The following OR2L13 variants were observed in gnomAD, a reference collection of about 807,000 sequenced individuals.
OR2L13 encodes olfactory receptor family 2 subfamily L member 13.
Under a neutral mutation model 15.3 loss-of-function variants are expected in OR2L13, and 14 were observed. The ratio of observed to expected loss-of-function variants is 0.91; its 90% CI spans 0.60 to 1.43. The LOEUF (loss-of-function observed/expected upper bound fraction) is 1.43. OR2L13 is among the 40% of genes most tolerant of loss of function. The pLI, the probability that OR2L13 is intolerant of heterozygous loss-of-function variation, is 0.00. For missense variants in OR2L13, 367 were observed against 387.9 expected (o/e 0.95, Z 0.45); for synonymous variants, 152 against 142.9 (o/e 1.06, Z -0.45).
the OR2L13 span, chr1:247,949,503 T>C: frequency 6.2e-7 from 1 of 1,613,838 alleles, no homozygotes; most frequent in Non-Finnish European, 8.5e-7. Flanking sequence ...TATTTCATGT[T>C]CCTATGGCCA....
chr1:247,938,886 A>T, the OR2L13 span: 17 of 152,220 alleles, frequency 1.1e-4, no homozygotes, highest in African/African-American at 3.6e-4. Context: ...GTGCGTGTTC[A>T]GATACCTGGG....
the OR2L13 span, chr1:248,061,488 G>A: frequency 6.2e-7 from 1 of 1,613,920 alleles, no homozygotes; most frequent in Non-Finnish European, 8.5e-7. Flanking sequence ...CTCCAACAGA[G>A]GACAAGGTTC....
the OR2L13 span, among the ~76,000 whole-genome samples, chr1:248,044,808 T>C: frequency 1.7e-5 from 1 of 58,334 alleles, no homozygotes; most frequent in South Asian, 9.3e-4. Flanking sequence ...AAACTCCGTC[T>C]CAAAAAAAAA....
the OR2L13 span, among the ~76,000 whole-genome samples, chr1:248,071,780 C>G: frequency 6.7e-6 from 1 of 148,732 alleles, no homozygotes; most frequent in Non-Finnish European, 1.5e-5. Context: ...TCAGCAAAGT[C>G]TCAGGATACA....
At chr1:247,998,383 A>G in the OR2L13 span, among the ~76,000 whole-genome samples, 9 of 152,232 alleles carry the variant, frequency 5.9e-5, no homozygotes, top group African/African-American at 2.2e-4. Context: ...ACCCACATTC[A>G]CAATAATTAT....
the OR2L13 span, among the ~76,000 whole-genome samples, chr1:248,036,246 T>A: frequency 6.0e-5 from 9 of 151,086 alleles, no homozygotes. Flanking sequence ...ATCTTTTCAG[T>A]TTTTTTTTCC....
At chr1:248,043,370 C>A in the OR2L13 span, among the ~76,000 whole-genome samples, 1 of 152,186 alleles carries the variant, frequency 6.6e-6, no homozygotes, top group Non-Finnish European at 1.5e-5. Context: ...GTTGAGGCAA[C>A]AGTCCCACGG....
At chr1:248,013,729 A>C in the OR2L13 span, 1 of 152,184 alleles carries the variant, frequency 6.6e-6, no homozygotes, top group Non-Finnish European at 1.5e-5. Context: ...AATTGAGGAG[A>C]TAATAAAAGG....
chr1:248,064,995 G>A, the OR2L13 span, among the ~76,000 whole-genome samples: 1 of 152,092 alleles, frequency 6.6e-6, no homozygotes, highest in African/African-American at 2.4e-5. Flanking sequence ...TTCCCCTTGT[G>A]GTCATTAAGA....
chr1:247,959,208 GT>G, the OR2L13 span, among the ~76,000 whole-genome samples: 4 of 151,896 alleles, frequency 2.6e-5, no homozygotes, highest in African/African-American at 9.7e-5. Context: ...ATGAAGCTTA[GT>G]TTGGCTGGAT....
upstream of OR2L13, among the ~76,000 whole-genome samples, chr1:248,096,927 T>C (rs1009395543): frequency 6.6e-6 from 1 of 152,200 alleles, no homozygotes; most frequent in African/African-American, 2.4e-5. Flanking sequence ...TCTCACTCTT[T>C]CTTGAGCTAG....
chr1:247,937,370 G>C, the OR2L13 span: 1 of 155,150 alleles, frequency 6.4e-6, no homozygotes, highest in Non-Finnish European at 1.4e-5. Context: ...AGCTGGGCAC[G>C]CCTTCCAGAC....
the OR2L13 span, among the ~76,000 whole-genome samples, chr1:247,945,977 A>G: frequency 1.3e-5 from 2 of 152,284 alleles, no homozygotes; most frequent in African/African-American, 4.8e-5. Flanking sequence ...AGCCTTCGAT[A>G]AATAAATATG....
At chr1:247,969,646 C>A in the OR2L13 span, among the ~76,000 whole-genome samples, 1 of 152,126 alleles carries the variant, frequency 6.6e-6, no homozygotes, top group African/African-American at 2.4e-5. Flanking sequence ...CATTTTCTGC[C>A]AGGATTAAAT....
At chr1:248,040,001 G>A in the OR2L13 span, 2 of 152,284 alleles carry the variant, frequency 1.3e-5, no homozygotes, top group East Asian at 3.9e-4. Context: ...ACTTAGTGGA[G>A]TGTGGAGTAG....
At chr1:247,976,766 C>G in the OR2L13 span, among the ~76,000 whole-genome samples, 2 of 152,312 alleles carry the variant, frequency 1.3e-5, no homozygotes, top group Middle Eastern at 3.4e-3. Flanking sequence ...CACTCCTACA[C>G]TGGCAGGATC....
At chr1:248,042,361 G>C in the OR2L13 span, 1 of 118,610 alleles carries the variant, frequency 8.4e-6, no homozygotes, top group Non-Finnish European at 1.7e-5. Context: ...GTTGTGGGGT[G>C]GGGGGAGGGG....
chr1:248,062,431 A>G, the OR2L13 span: 6 of 151,728 alleles, frequency 4.0e-5, no homozygotes, highest in African/African-American at 7.2e-5. Flanking sequence ...CTTTTTCCCA[A>G]TGAACAGTCT....
the OR2L13 span, among the ~76,000 whole-genome samples, chr1:248,048,013 A>T: frequency 3.9e-5 from 6 of 152,206 alleles, no homozygotes; most frequent in African/African-American, 1.2e-4. Flanking sequence ...AATTCGATTT[A>T]TTTTAAATGG....
Sources: gnomAD v4.1 joint callset for allele counts (sites outside exome capture counted in the v4.1 genomes callset) on GRCh38, gnomAD v4.1.1 for gene constraint, MANE v1.5 for transcripts, NCBI Gene and HGNC (gene_info 2026-07-23, HGNC 2026-07-21) for gene names.